Variants in EPC2 observed in about 807,000 individuals in gnomAD.
EPC2 encodes enhancer of polycomb 2.
EPC2 carries 14 observed loss-of-function variants against 92.1 expected under a neutral mutation model. That is an observed-to-expected ratio of 0.15 (90% CI 0.10 to 0.24). EPC2 has a LOEUF of 0.24. Ranked by LOEUF, EPC2 falls within the 10% of genes least tolerant of loss-of-function variation. The pLI, the probability that EPC2 is intolerant of heterozygous loss-of-function variation, is 1.00. For synonymous variants in EPC2, 340 were observed against 334.7 expected, an observed-to-expected ratio of 1.02 and a Z score of -0.17; for missense variants, 755 against 971.5, an observed-to-expected ratio of 0.78 and a Z score of 2.96.
rs1682974101 is a variant in EPC2, at chr2:148,745,744, A to G, written c.459+1977A>G. ...ATTCCATTCCCTGATCTGTTAATTTATGGATCTCTTTACTTTTCCTTTATG... is the reference window on the plus strand; with the variant it reads ...ATTCCATTCCCTGATCTGTTAATTTGTGGATCTCTTTACTTTTCCTTTATG... On this transcript the variant is annotated intron_variant, in intron 3 of 13. Transcript: ENST00000258484. 2.0e-5 allele frequency among the ~76,000 whole-genome samples: 3 copies of G among 152,134 alleles called. No individual in the cohort carries two copies. In the South Asian group the frequency reaches 6.2e-4, roughly 31 times the overall value.
intron 12 of EPC2, 39 bp from the exon 13 acceptor site, chr2:148,784,629 G>A: frequency 7.3e-7 from 1 of 1,370,042 alleles, no homozygotes; most frequent in Non-Finnish European, 1.0e-6. Flanking sequence ...TTGTATTGAT[G>A]TCTCATGATA....
intron 3 of EPC2, 160 bp from the exon 4 acceptor site, chr2:148,753,767 G>T (rs968969685): frequency 3.4e-6 from 2 of 590,154 alleles, no homozygotes; most frequent in Non-Finnish European, 2.9e-6. Context: ...CCTAATTAAT[G>T]ATTCCTTCAT....
chr2:148,713,510 GA>G (rs201726594), intron 2 of EPC2, among the ~76,000 whole-genome samples: 9 of 152,186 alleles, frequency 5.9e-5, no homozygotes, highest in East Asian at 5.8e-4. Flanking sequence ...TATTATTAGA[GA>G]AAAAAAATTT....
intron 1 of EPC2, among the ~76,000 whole-genome samples, chr2:148,648,264 T>C (rs140296464): frequency 6.6e-6 from 1 of 152,364 alleles, no homozygotes; most frequent in African/African-American, 2.4e-5. Flanking sequence ...TAAATATGTA[T>C]GTCAGAAGAC....
chr2:148,769,039 A>G (rs1683467589), intron 7 of EPC2, 112 bp from the exon 8 acceptor site: 2 of 721,262 alleles, frequency 2.8e-6, no homozygotes, highest in East Asian at 5.6e-5. Context: ...TACTTATGAT[A>G]TGTAATATAG....
intron 1 of EPC2, among the ~76,000 whole-genome samples, chr2:148,652,859 G>C (rs976738954): frequency 1.3e-5 from 2 of 152,114 alleles, no homozygotes; most frequent in Non-Finnish European, 2.9e-5. Context: ...TTTTGGTTAT[G>C]ATCATCTTGC....
intron 2 of EPC2, among the ~76,000 whole-genome samples, chr2:148,721,892 T>TTTC (rs1553446829): frequency 1.5e-5 from 2 of 135,062 alleles, no homozygotes; most frequent in East Asian, 4.0e-4. Context: ...TTTGATTTCT[T>TTTC]TTTTTTTTTT....
At chr2:148,731,766 TA>T (rs1236468340) in intron 2 of EPC2, among the ~76,000 whole-genome samples, 3 of 152,202 alleles carry the variant, frequency 2.0e-5, no homozygotes, top group Non-Finnish European at 4.4e-5. Context: ...CTCTTTACAT[TA>T]AAAAACACCA....
chr2:148,672,048 G>A (rs1681165139), intron 1 of EPC2, among the ~76,000 whole-genome samples: 1 of 152,056 alleles, frequency 6.6e-6, no homozygotes, highest in South Asian at 2.1e-4. Flanking sequence ...TGAAATGTTT[G>A]GTAAAATTCT....
In EPC2 at chr2:148,697,391, G is replaced by GATC. The variant is rs1303930867; in HGVS notation, c.313+7020_313+7021insCAT. On this transcript the variant is annotated intron_variant, in intron 2 of 13. Transcript: ENST00000258484. Reference sequence around the variant, plus strand: ...AGAAAAGGCAGACGTGTATAACTGTGATGATGCACTGTTCTCATTTGGCCT... The same window carrying GATC: ...AGAAAAGGCAGACGTGTATAACTGTGATCATGATGCACTGTTCTCATTTGGCCT... Among the ~76,000 whole-genome samples, 3 of 152,046 alleles carry GATC rather than the reference G, an allele frequency of 2.0e-5. No individual in the cohort carries two copies. In the South Asian group the frequency reaches 6.2e-4, roughly 32 times the overall value.
At chr2:148,685,726 C>T (rs1489193453) in intron 1 of EPC2, among the ~76,000 whole-genome samples, 1 of 152,214 alleles carries the variant, frequency 6.6e-6, no homozygotes, top group Non-Finnish European at 1.5e-5. Flanking sequence ...AAGATTGCGC[C>T]ACTGCACTCT....
At chr2:148,770,047 CTTATTTAT>C (rs1381420806) in intron 8 of EPC2, among the ~76,000 whole-genome samples, 1 of 151,970 alleles carries the variant, frequency 6.6e-6, no homozygotes, top group Non-Finnish European at 1.5e-5. Context: ...TATTTATTTA[CTTATTTAT>C]TTCTTTTAGA....
At chr2:148,723,081 T>A (rs963529033) in intron 2 of EPC2, among the ~76,000 whole-genome samples, 1 of 152,114 alleles carries the variant, frequency 6.6e-6, no homozygotes, top group Non-Finnish European at 1.5e-5. Flanking sequence ...GTTCTATGTT[T>A]ATTACCTGGG....
chr2:148,729,703 A>G (rs1682580133), intron 2 of EPC2, among the ~76,000 whole-genome samples: 1 of 152,202 alleles, frequency 6.6e-6, no homozygotes, highest in South Asian at 2.1e-4. Context: ...TAGAGAGAGA[A>G]TAAAAGGGTC....
intron 7 of EPC2, among the ~76,000 whole-genome samples, 159 bp downstream of exon 7, chr2:148,765,305 A>G (rs1683387550): frequency 6.6e-6 from 1 of 152,158 alleles, no homozygotes; most frequent in Non-Finnish European, 1.5e-5. Flanking sequence ...CTGAAATGGT[A>G]TTTACTCTGT....
intron 1 of EPC2, among the ~76,000 whole-genome samples, chr2:148,662,000 G>A (rs1680944799): frequency 1.3e-5 from 2 of 152,020 alleles, no homozygotes; most frequent in Admixed American, 1.3e-4. Context: ...TCAAAAAGTG[G>A]GCAAAGGATA....
intron 1 of EPC2, among the ~76,000 whole-genome samples, chr2:148,666,372 G>A (rs544403154): frequency 1.3e-5 from 2 of 152,180 alleles, no homozygotes; most frequent in Non-Finnish European, 2.9e-5. Flanking sequence ...TTGAACTCTG[G>A]AGTTCAAGTT....
At chr2:148,738,041 A>G (rs189176163) in intron 2 of EPC2, among the ~76,000 whole-genome samples, 72 of 152,276 alleles carry the variant, frequency 4.7e-4, no homozygotes, top group Admixed American at 3.9e-3. Flanking sequence ...TTTGTCTGCT[A>G]ATACATGCCA....
chr2:148,753,438 C>T (rs1401655592), intron 3 of EPC2, among the ~76,000 whole-genome samples: 4 of 151,976 alleles, frequency 2.6e-5, no homozygotes, highest in East Asian at 1.9e-4. Flanking sequence ...TAATCAATTC[C>T]GAAAGAGGTA....
Sources: allele counts gnomAD v4.1 joint callset (sites outside exome capture counted in the v4.1 genomes callset), GRCh38; gene constraint gnomAD v4.1.1; transcripts MANE v1.5; gene names NCBI Gene and HGNC (gene_info 2026-07-23, HGNC 2026-07-21).